Variants in CFAP54 observed in about 807,000 individuals in gnomAD.
CFAP54 encodes cilia and flagella associated protein 54.
CFAP54 carries 290 observed loss-of-function variants against 370.4 expected under a neutral mutation model. The ratio of observed to expected loss-of-function variants is 0.78; its 90% CI spans 0.71 to 0.86. CFAP54 has a LOEUF of 0.86. CFAP54 is among the 40% of genes least tolerant of loss of function. CFAP54 has a pLI of 0.00. For synonymous variants in CFAP54, 1,206 were observed against 1,236.5 expected (o/e 0.98, Z 0.52); for missense variants, 3,399 against 3,528.7 (o/e 0.96, Z 0.93).
chr12:96,786,795 A>G lies in CFAP54; in HGVS notation c.8576A>G (p.Gln2859Arg), dbSNP rs1370711731. The change falls in exon 62 of 68, where the codon CAG (glutamine) becomes CGG (arginine). Residue 2859 changes from glutamine (Q) to arginine (R), a missense_variant. Gln to Arg is a conservative substitution (Grantham distance 43, BLOSUM62 1). Transcript: ENST00000524981. The part of the protein sequence containing the change: ...EVHFFLKKFL[Q>R]LYSSSCIDEF... ...CATTTTTTCCTTAAAAAATTCTTAC[A>G]GCTGTATTCTTCTTCTTGTATTGAT... 1.3e-6 allele frequency: 2 copies of G among 1,535,784 alleles called. No homozygotes were observed. Among genetic ancestry groups the G allele is most frequent in the African/African-American group, 1.4e-5 (1 of 73,174 alleles).
At chr12:96,702,931 T>C (rs1957506492) in intron 46 of CFAP54, among the ~76,000 whole-genome samples, 1 of 152,246 alleles carries the variant, frequency 6.6e-6, no homozygotes, top group African/African-American at 2.4e-5. Flanking sequence ...ATTTTAACAT[T>C]ATACTCATAT....
At chr12:96,675,249 C>A (rs1592702629) in intron 39 of CFAP54, among the ~76,000 whole-genome samples, 2 of 152,054 alleles carry the variant, frequency 1.3e-5, no homozygotes, top group African/African-American at 4.8e-5. Context: ...AAGAAAAAAA[C>A]AAACAACCCC....
At chr12:96,835,005 G>C (rs1353459183) in intron 66 of CFAP54, among the ~76,000 whole-genome samples, 1 of 152,046 alleles carries the variant, frequency 6.6e-6, no homozygotes, top group East Asian at 1.9e-4. Flanking sequence ...GGAGTGGGAA[G>C]CTCTTCTCTG....
chr12:96,768,812 T>A (rs947301050), intron 60 of CFAP54, among the ~76,000 whole-genome samples: 1 of 152,208 alleles, frequency 6.6e-6, no homozygotes, highest in Non-Finnish European at 1.5e-5. Context: ...GGATGGCATA[T>A]GAGTTAATTA....
chr12:96,809,095 T>C (rs1958907676), intron 63 of CFAP54, among the ~76,000 whole-genome samples: 1 of 152,212 alleles, frequency 6.6e-6, no homozygotes, highest in African/African-American at 2.4e-5. Context: ...AGTTCTTTAT[T>C]TGTGACTCTG....
intron 14 of CFAP54, 98 bp from the exon 15 acceptor site, chr12:96,547,792 TCCTCACTCTTGC>T: frequency 2.4e-6 from 1 of 420,216 alleles, no homozygotes; most frequent in Non-Finnish European, 4.2e-6. Flanking sequence ...TTTCGTTTCC[TCCTCACTCTTGC>T]CCTGTCCTCT....
intron 19 of CFAP54, among the ~76,000 whole-genome samples, chr12:96,567,944 G>T (rs1955878823): frequency 6.6e-6 from 1 of 152,114 alleles, no homozygotes; most frequent in Non-Finnish European, 1.5e-5. Flanking sequence ...CTTAAACAAT[G>T]ATGTTATGGC....
At chr12:96,751,744 A>G (rs964034702) in intron 55 of CFAP54, among the ~76,000 whole-genome samples, 9 of 152,130 alleles carry the variant, frequency 5.9e-5, no homozygotes, top group East Asian at 3.9e-4. Flanking sequence ...TTCTTATTCA[A>G]TTCAATCCCC....
intron 65 of CFAP54, among the ~76,000 whole-genome samples, chr12:96,822,880 T>C (rs1959048496): frequency 6.8e-6 from 1 of 147,004 alleles, no homozygotes; most frequent in African/African-American, 2.5e-5. Context: ...TTCCTCCAAC[T>C]CAGTCTATGT....
chr12:96,512,925 G>T, intron 4 of CFAP54, 61 bp from the exon 5 acceptor site: 1 of 1,105,358 alleles, frequency 9.0e-7, no homozygotes, highest in South Asian at 1.6e-5. Flanking sequence ...CACAGAAATT[G>T]GAATATAAAA....
intron 39 of CFAP54, among the ~76,000 whole-genome samples, chr12:96,666,900 TCCTTCAG>T (rs1957087355): frequency 6.6e-6 from 1 of 152,156 alleles, no homozygotes; most frequent in Admixed American, 6.5e-5. Flanking sequence ...GCAAGGCAAG[TCCTTCAG>T]CCTATGAGCC....
chr12:96,723,124 A>C (rs1329035528), intron 50 of CFAP54, among the ~76,000 whole-genome samples: 1 of 152,216 alleles, frequency 6.6e-6, no homozygotes, highest in Non-Finnish European at 1.5e-5. Context: ...ACATTATGTA[A>C]TGTATCAAAA....
At chr12:96,708,362 G>A (rs1299339263) in intron 47 of CFAP54, among the ~76,000 whole-genome samples, 2 of 152,030 alleles carry the variant, frequency 1.3e-5, no homozygotes, top group Admixed American at 6.5e-5. Flanking sequence ...ACTCTGCCAC[G>A]ATGGCAGAGC....
At chr12:96,623,643 T>A in intron 27 of CFAP54, 124 bp from the exon 28 acceptor site, 5 of 600,442 alleles carry the variant, frequency 8.3e-6, no homozygotes, top group Non-Finnish European at 1.5e-5. Flanking sequence ...AATATTGTTA[T>A]GTAGATCATA....
At chr12:96,617,878 T>C (rs1956439049) in intron 26 of CFAP54, among the ~76,000 whole-genome samples, 1 of 151,100 alleles carries the variant, frequency 6.6e-6, no homozygotes, top group African/African-American at 2.4e-5. Flanking sequence ...TAGTCCCAGC[T>C]ACTCGGGAGG....
intron 66 of CFAP54, among the ~76,000 whole-genome samples, chr12:96,832,769 A>G (rs993307544): frequency 1.3e-5 from 2 of 152,188 alleles, no homozygotes; most frequent in African/African-American, 4.8e-5. Context: ...TTATTGTTGA[A>G]TCCTGTAAGA....
chr12:96,837,873 A>C (rs539500042), intron 66 of CFAP54, among the ~76,000 whole-genome samples: 1 of 152,304 alleles, frequency 6.6e-6, no homozygotes, highest in East Asian at 1.9e-4. Flanking sequence ...CAATGACAGA[A>C]GCAATTACAG....
At chr12:96,557,114 G>T (rs1276127976) in intron 17 of CFAP54, among the ~76,000 whole-genome samples, 1 of 150,584 alleles carries the variant, frequency 6.6e-6, no homozygotes, top group African/African-American at 2.4e-5. Flanking sequence ...GGAGGCTCTG[G>T]GGGAGAACTT....
At position 96,709,599 on chromosome 12, in the gene CFAP54, T is replaced by C. The variant is rs1435133813; in HGVS notation, c.6724+796T>C. Among the ~76,000 whole-genome samples the C allele has an allele frequency of 3.3e-5, 5 of 152,244 alleles. No individual in the cohort carries two copies. In the East Asian group the frequency reaches 9.6e-4, roughly 29 times the overall value. ...ATCTGCATCTATTGGGATGATTATG[T>C]GGTCCTTGCTTTTTATTCTATTGAT... On this transcript the variant is annotated intron_variant, in intron 48 of 67. Coordinates refer to ENST00000524981, the MANE Select transcript of CFAP54 (RefSeq NM_001306084.2).
Sources: gnomAD v4.1 joint callset for allele counts (sites outside exome capture counted in the v4.1 genomes callset) on GRCh38, gnomAD v4.1.1 for gene constraint, MANE v1.5 for transcripts, NCBI Gene and HGNC (gene_info 2026-07-23, HGNC 2026-07-21) for gene names.